MAPRE2: variants seen among roughly 807,000 people sequenced by gnomAD.
MAPRE2 encodes the protein microtubule associated protein RP/EB family member 2, also known as microtubule-associated protein RP/EB family member 2.
MAPRE2 carries 13 observed loss-of-function variants against 43.2 expected under a neutral mutation model. The observed-to-expected ratio is 0.30, with a 90% CI of 0.20 to 0.48. MAPRE2 has a LOEUF of 0.48. MAPRE2 is among the 20% of genes least tolerant of loss of function. The pLI is 0.99. For synonymous variants in MAPRE2, 135 were observed against 148.8 expected (o/e 0.91, Z 0.68); for missense variants, 161 against 400.2 (o/e 0.40, Z 5.10).
At chr18:35,057,284 G>A (rs1018139005) in intron 1 of MAPRE2, among the ~76,000 whole-genome samples, 1 of 152,184 alleles carries the variant, frequency 6.6e-6, no homozygotes, top group Non-Finnish European at 1.5e-5. Context: ...CAAAGCGCTA[G>A]TATTACAGGC....
chr18:35,124,802 G>A (rs1421769386), intron 4 of MAPRE2, among the ~76,000 whole-genome samples: 1 of 152,166 alleles, frequency 6.6e-6, no homozygotes, highest in Non-Finnish European at 1.5e-5. Flanking sequence ...GCCAGATCAG[G>A]TGTCCTCACC....
intron 4 of MAPRE2, among the ~76,000 whole-genome samples, chr18:35,119,838 C>A (rs113706164): frequency 0.02 from 3,041 of 152,188 alleles, 96 homozygotes; most frequent in African/African-American, 0.069. Flanking sequence ...GCCTTATTTT[C>A]TTAGTATTTC....
At chr18:35,106,841 G>C (rs1198522813) in intron 4 of MAPRE2, among the ~76,000 whole-genome samples, 4 of 151,382 alleles carry the variant, frequency 2.6e-5, no homozygotes, top group African/African-American at 9.7e-5. Flanking sequence ...TACCAACCAG[G>C]GGCATGTATT....
chr18:35,102,215 C>T (rs1908712685), intron 4 of MAPRE2, 56 bp downstream of exon 4: 1 of 1,305,912 alleles, frequency 7.7e-7, no homozygotes, highest in African/African-American at 1.5e-5. Flanking sequence ...TGGCTCAGAC[C>T]CTTCTGTTAT....
intron 1 of MAPRE2, among the ~76,000 whole-genome samples, chr18:34,988,185 G>T (rs2097021971): frequency 6.6e-6 from 1 of 152,182 alleles, no homozygotes. Context: ...AGGAGATCCA[G>T]TTGGGTCTAT....
chr18:35,078,316 A>G (rs1466020407), intron 2 of MAPRE2, among the ~76,000 whole-genome samples: 1 of 152,124 alleles, frequency 6.6e-6, no homozygotes, highest in Non-Finnish European at 1.5e-5. Context: ...TTTGCATCTG[A>G]AACAGTCCAA....
At chr18:35,050,440 T>G (rs1394218540) in intron 1 of MAPRE2, among the ~76,000 whole-genome samples, 1 of 152,194 alleles carries the variant, frequency 6.6e-6, no homozygotes. Flanking sequence ...CCTTTGAGGT[T>G]TCACACATAG....
chr18:35,114,947 G>C (rs1437927969), intron 4 of MAPRE2, among the ~76,000 whole-genome samples: 1 of 152,164 alleles, frequency 6.6e-6, no homozygotes, highest in Non-Finnish European at 1.5e-5. Flanking sequence ...CAGTGACTTA[G>C]GATTCATTCT....
rs573133953 is a variant in MAPRE2, at chr18:35,043,677, CA to C, written c.122+2017del. 3.5e-4 allele frequency among the ~76,000 whole-genome samples: 54 copies of C among 152,222 alleles called. 1 individual carries two copies. Among genetic ancestry groups the C allele is most frequent in the African/African-American group, 1.2e-3 (51 of 41,542 alleles). ...TCTTAAGTCCCTAAGAGCATCACTG[CA>C]TTTGTATTTGATATAATAGGATTAC... is the stretch of plus-strand genomic sequence containing the variant. On this transcript the variant is annotated intron_variant, in intron 1 of 6. Transcript: ENST00000300249.
At chr18:35,116,318 T>C (rs1305914028) in intron 4 of MAPRE2, among the ~76,000 whole-genome samples, 2 of 152,150 alleles carry the variant, frequency 1.3e-5, no homozygotes, top group Non-Finnish European at 2.9e-5. Context: ...GTGTGGATGT[T>C]GAGATATGAG....
chr18:35,123,944 G>A (rs1429895570), intron 4 of MAPRE2, among the ~76,000 whole-genome samples: 1 of 152,194 alleles, frequency 6.6e-6, no homozygotes, highest in Non-Finnish European at 1.5e-5. Context: ...ACAGTGGAAA[G>A]TGTTCAGGGC....
At chr18:35,096,253 C>G (rs1012727187) in intron 2 of MAPRE2, among the ~76,000 whole-genome samples, 1 of 152,160 alleles carries the variant, frequency 6.6e-6, no homozygotes, top group Admixed American at 6.5e-5. Flanking sequence ...AAAGACTGAT[C>G]ATGAGCACAT....
At chr18:35,015,943 C>T (rs533026001) in intron 2 of MAPRE2, among the ~76,000 whole-genome samples, 1 of 152,024 alleles carries the variant, frequency 6.6e-6, no homozygotes. Context: ...AATTTTTCAA[C>T]CCTTGCCCCC....
chr18:35,124,337 G>GC (rs1909816512), intron 4 of MAPRE2, among the ~76,000 whole-genome samples: 1 of 152,056 alleles, frequency 6.6e-6, no homozygotes, highest in Non-Finnish European at 1.5e-5. Flanking sequence ...GGAGGTAACC[G>GC]CCCCCCATGC....
intron 2 of MAPRE2, among the ~76,000 whole-genome samples, chr18:35,072,592 C>T (rs1315048132): frequency 6.6e-6 from 1 of 152,156 alleles, no homozygotes; most frequent in Non-Finnish European, 1.5e-5. Context: ...TTTTTAGATA[C>T]TGTAGTAAAT....
At chr18:35,025,892 CAGGTT>C (rs544771882) in intron 2 of MAPRE2, among the ~76,000 whole-genome samples, 6 of 152,150 alleles carry the variant, frequency 3.9e-5, no homozygotes, top group Non-Finnish European at 7.4e-5. Context: ...ACTAACATTC[CAGGTT>C]AGGCCGAAAC....
chr18:35,030,965 A>G (rs1177835523), intron 2 of MAPRE2, among the ~76,000 whole-genome samples: 1 of 152,112 alleles, frequency 6.6e-6, no homozygotes, highest in East Asian at 1.9e-4. Context: ...TCACAGGTCT[A>G]TGTCCCTCAC....
intron 2 of MAPRE2, among the ~76,000 whole-genome samples, chr18:35,083,730 C>G (rs1259543219): frequency 6.6e-6 from 1 of 152,164 alleles, no homozygotes; most frequent in Non-Finnish European, 1.5e-5. Flanking sequence ...AGGCATGAAA[C>G]TGAGCGCTGG....
intron 4 of MAPRE2, among the ~76,000 whole-genome samples, chr18:35,126,147 C>G (rs1267654338): frequency 2.6e-5 from 4 of 152,202 alleles, no homozygotes; most frequent in Non-Finnish European, 5.9e-5. Context: ...CTCCCTCTCC[C>G]TGTCTTCCAG....
Sources: allele counts gnomAD v4.1 joint callset (sites outside exome capture counted in the v4.1 genomes callset), GRCh38; gene constraint gnomAD v4.1.1; transcripts MANE v1.5; gene names NCBI Gene and HGNC (gene_info 2026-07-23, HGNC 2026-07-21).